Variants in FAM13C observed in about 807,000 individuals in gnomAD.
The protein encoded by FAM13C is family with sequence similarity 13 member C.
In FAM13C, 37 loss-of-function variants were observed where a neutral mutation model predicts 73.2. The ratio of observed to expected loss-of-function variants is 0.51; its 90% confidence interval spans 0.39 to 0.67. FAM13C has a LOEUF of 0.67. FAM13C is among the 30% of genes least tolerant of loss of function. The pLI is 0.00. For synonymous variants in FAM13C, 246 were observed against 260.9 expected (o/e 0.94, Z 0.55); for missense variants, 589 against 715.6 (o/e 0.82, Z 2.02).
At chr10:59,296,616 AT>A (rs1193742789) in intron 5 of FAM13C, among the ~76,000 whole-genome samples, 2 of 152,228 alleles carry the variant, frequency 1.3e-5, no homozygotes, top group African/African-American at 4.8e-5. Context: ...TTAGGTCATT[AT>A]TGAACATCTG....
At chr10:59,347,529 T>A (rs545427299) in intron 3 of FAM13C, among the ~76,000 whole-genome samples, 16 of 151,964 alleles carry the variant, frequency 1.1e-4, no homozygotes, top group African/African-American at 1.9e-4. Context: ...TTTTTTTTTT[T>A]AATTTTTTAC....
At chr10:59,269,531 T>G (rs1490923790) in intron 7 of FAM13C, among the ~76,000 whole-genome samples, 2 of 152,120 alleles carry the variant, frequency 1.3e-5, no homozygotes, top group African/African-American at 4.8e-5. Context: ...CTCCCAAGTG[T>G]TCCCAGAACT....
At chr10:59,362,645 A>G, upstream of FAM13C, 1 of 1,359,366 alleles carries the variant, frequency 7.4e-7, no homozygotes, top group Non-Finnish European at 9.7e-7. Flanking sequence ...GGCGAACCAC[A>G]AAGCCCGGCA....
intron 6 of FAM13C, among the ~76,000 whole-genome samples, chr10:59,273,104 C>T (rs1371916848): frequency 6.6e-6 from 1 of 152,178 alleles, no homozygotes; most frequent in Non-Finnish European, 1.5e-5. Flanking sequence ...GGGGAGACTA[C>T]TGTAGTAACA....
chr10:59,254,760 G>A (rs1289320652), intron 10 of FAM13C, among the ~76,000 whole-genome samples: 1 of 151,876 alleles, frequency 6.6e-6, no homozygotes, highest in African/African-American at 2.4e-5. Flanking sequence ...GCACCACCAT[G>A]CCTGGCTAAT....
intron 3 of FAM13C, among the ~76,000 whole-genome samples, chr10:59,350,854 T>C (rs1326430538): frequency 1.3e-5 from 2 of 152,200 alleles, no homozygotes; most frequent in Non-Finnish European, 2.9e-5. Context: ...AAAATTAACC[T>C]ATTACACTTA....
chr10:59,254,581 A>C (rs1841754860), intron 10 of FAM13C, 138 bp from the exon 11 acceptor site: 1 of 54,612 alleles, frequency 1.8e-5, no homozygotes, highest in African/African-American at 3.5e-4. Flanking sequence ...AAAGTCATTT[A>C]TTTATTTATT....
intron 2 of FAM13C, among the ~76,000 whole-genome samples, chr10:59,354,312 A>T (rs1029354528): frequency 1.3e-5 from 2 of 152,208 alleles, no homozygotes; most frequent in African/African-American, 2.4e-5. Flanking sequence ...TGCATTACAC[A>T]AACGTAAAAC....
At chr10:59,266,602 CGGT>C (rs1330056106) in intron 8 of FAM13C, among the ~76,000 whole-genome samples, 10 of 152,288 alleles carry the variant, frequency 6.6e-5, no homozygotes, top group Admixed American at 6.5e-4. Context: ...ACTGAAGCAG[CGGT>C]GACCAAGGAG....
At chr10:59,356,754 C>T (rs1855755965) in intron 1 of FAM13C, among the ~76,000 whole-genome samples, 1 of 152,128 alleles carries the variant, frequency 6.6e-6, no homozygotes, top group South Asian at 2.1e-4. Flanking sequence ...AAGTGTCATT[C>T]CTGGGTGTGT....
chr10:59,354,202 A>G (rs754644468), intron 2 of FAM13C, among the ~76,000 whole-genome samples: 1 of 152,198 alleles, frequency 6.6e-6, no homozygotes. Flanking sequence ...TTGTTTTTAT[A>G]TCATGTTTTC....
rs1313523546 is a variant in FAM13C at position 59,257,573 on chromosome 10, C to T, written c.1237-3130G>A. The stretch of plus-strand genomic sequence containing the variant: ...TCTCTGGACAGTGAGCAATGGAAAA[C>T]ATGCTTCTTAGCTTTAGGGACTGAA... On this transcript the variant is annotated intron_variant, in intron 10 of 13. Coordinates refer to ENST00000618804, the MANE Select transcript of FAM13C (RefSeq NM_198215.4). Among the ~76,000 whole-genome samples the T allele has an allele frequency of 2.6e-5, 4 of 152,182 alleles. No individual in the cohort carries two copies. The East Asian group carries it at 5.8e-4, about 22-fold the overall frequency.
At chr10:59,349,622 G>A (rs1854760909) in intron 3 of FAM13C, among the ~76,000 whole-genome samples, 1 of 151,646 alleles carries the variant, frequency 6.6e-6, no homozygotes, top group African/African-American at 2.4e-5. Context: ...AATTAGCAGG[G>A]CGTGGTGGCA....
At chr10:59,312,822 G>A (rs1429940852) in intron 4 of FAM13C, among the ~76,000 whole-genome samples, 1 of 152,144 alleles carries the variant, frequency 6.6e-6, no homozygotes. Context: ...GTCTTTCCAT[G>A]TCTTTGACTC....
chr10:59,355,981 T>C, intron 1 of FAM13C, 38 bp from the exon 2 acceptor site: 2 of 1,585,258 alleles, frequency 1.3e-6, no homozygotes, highest in Non-Finnish European at 1.7e-6. Context: ...CAGATCCAAT[T>C]GTCTGCTATA....
chr10:59,270,492 G>C (rs1843595843), intron 6 of FAM13C, among the ~76,000 whole-genome samples: 1 of 150,788 alleles, frequency 6.6e-6, no homozygotes, highest in South Asian at 2.1e-4. Flanking sequence ...AGATTATCAG[G>C]AAGAAAAGGT....
chr10:59,266,195 T>C (rs1843042352), intron 8 of FAM13C, among the ~76,000 whole-genome samples: 1 of 152,218 alleles, frequency 6.6e-6, no homozygotes, highest in East Asian at 1.9e-4. Context: ...TTCTTTCCAA[T>C]TCTAACATTC....
intron 5 of FAM13C, among the ~76,000 whole-genome samples, chr10:59,292,757 G>A (rs894490002): frequency 6.6e-6 from 1 of 151,948 alleles, no homozygotes; most frequent in Non-Finnish European, 1.5e-5. Context: ...CAGGGTACAC[G>A]GTGAGTTTTG....
intron 1 of FAM13C, among the ~76,000 whole-genome samples, chr10:59,357,024 G>T (rs1352415478): frequency 6.6e-6 from 1 of 152,170 alleles, no homozygotes. Context: ...TGATTTGCCA[G>T]GGGCTCTTGT....
Sources: gnomAD v4.1 joint callset for allele counts (sites outside exome capture counted in the v4.1 genomes callset) on GRCh38, gnomAD v4.1.1 for gene constraint, MANE v1.5 for transcripts, NCBI Gene and HGNC (gene_info 2026-07-23, HGNC 2026-07-21) for gene names.